Variants in DSCAM observed in about 807,000 individuals in gnomAD.
DSCAM encodes cell adhesion molecule DSCAM.
In DSCAM, 47 loss-of-function variants were observed where a neutral mutation model predicts 217.7. That is an observed-to-expected ratio of 0.22 (90% confidence interval 0.17 to 0.28). The LOEUF (loss-of-function observed/expected upper bound fraction) is 0.28. Ranked by LOEUF, DSCAM falls within the 10% of genes least tolerant of loss-of-function variation. DSCAM has a pLI of 1.00. For missense variants in DSCAM, 2,080 were observed against 2,618.3 expected (o/e 0.79, Z 4.49); for synonymous variants, 1,056 against 1,015.3 (o/e 1.04, Z -0.76).
chr21:40,252,172 G>T (rs528423364), intron 11 of DSCAM, among the ~76,000 whole-genome samples: 41 of 152,306 alleles, frequency 2.7e-4, no homozygotes, highest in African/African-American at 7.5e-4. Flanking sequence ...CACAAAAACT[G>T]TAAGAACATA....
chr21:40,481,971 G>A (rs1432600516), intron 3 of DSCAM, among the ~76,000 whole-genome samples: 2 of 152,196 alleles, frequency 1.3e-5, no homozygotes, highest in African/African-American at 4.8e-5. Flanking sequence ...CCATAGAGGC[G>A]ATTCGCCGTT....
intron 2 of DSCAM, among the ~76,000 whole-genome samples, chr21:40,696,929 C>T (rs958853955): frequency 1.1e-4 from 16 of 152,038 alleles, no homozygotes; most frequent in Non-Finnish European, 2.4e-4. Context: ...AATCTTTTTT[C>T]TTCTAGCAAT....
intron 10 of DSCAM, among the ~76,000 whole-genome samples, chr21:40,288,934 C>A (rs557261614): frequency 6.6e-6 from 1 of 152,300 alleles, no homozygotes; most frequent in South Asian, 2.1e-4. Flanking sequence ...GGGGTTTGAA[C>A]TTATAGCCCA....
At chr21:40,139,094 T>C (rs1186058390) in intron 18 of DSCAM, among the ~76,000 whole-genome samples, 2 of 140,950 alleles carry the variant, frequency 1.4e-5, no homozygotes, top group African/African-American at 5.4e-5. Context: ...GTATGTGGGA[T>C]GTGTGGTGTG....
intron 20 of DSCAM, among the ~76,000 whole-genome samples, chr21:40,103,501 T>A (rs2146615609): frequency 6.6e-6 from 1 of 152,244 alleles, no homozygotes; most frequent in African/African-American, 2.4e-5. Flanking sequence ...TTCTTATGTA[T>A]AATATATTTT....
intron 9 of DSCAM, among the ~76,000 whole-genome samples, chr21:40,311,339 A>T (rs890054624): frequency 6.6e-6 from 1 of 152,238 alleles, no homozygotes; most frequent in African/African-American, 2.4e-5. Flanking sequence ...TCTGTGTTTG[A>T]TATACATTAG....
chr21:40,417,805 T>A (rs1043344625), intron 3 of DSCAM, among the ~76,000 whole-genome samples: 1 of 152,058 alleles, frequency 6.6e-6, no homozygotes, highest in African/African-American at 2.4e-5. Flanking sequence ...ATAATAGACA[T>A]GAAGAAAGGA....
At chr21:40,624,126 A>G (rs1025025322) in intron 3 of DSCAM, among the ~76,000 whole-genome samples, 2 of 152,138 alleles carry the variant, frequency 1.3e-5, no homozygotes, top group African/African-American at 4.8e-5. Flanking sequence ...CTTGCCTCTC[A>G]CAGAATGTTG....
intron 3 of DSCAM, among the ~76,000 whole-genome samples, chr21:40,540,089 T>C (rs748688454): frequency 6.6e-6 from 1 of 152,164 alleles, no homozygotes; most frequent in Non-Finnish European, 1.5e-5. Flanking sequence ...AATATCTTTA[T>C]TAGAATTAAT....
chr21:40,363,983 A>G (rs9305696), intron 4 of DSCAM, among the ~76,000 whole-genome samples: 75,610 of 152,050 alleles, frequency 0.5, 20,090 homozygotes, highest in South Asian at 0.64. Flanking sequence ...ATGAGATACC[A>G]TCTTACACCA....
rs61008946 is a variant in DSCAM at position 40,372,299 on chromosome 21, T to G, written c.509-3054A>C. Reference sequence around the variant, plus strand: ...ATTAATGGATGTGCTTCTGTTAAAATAGGCAAATGTTTAAATACAATTTAT... The same window carrying G: ...ATTAATGGATGTGCTTCTGTTAAAAGAGGCAAATGTTTAAATACAATTTAT... On this transcript the variant is annotated intron_variant, in intron 3 of 32. Transcript: ENST00000400454. 9.6e-3 allele frequency among the ~76,000 whole-genome samples: 1,460 copies of G among 152,354 alleles called. 17 individuals carry two copies. Among genetic ancestry groups the G allele is most frequent in the African/African-American group, 0.034 (1,394 of 41,586 alleles).
chr21:40,082,330 C>G (rs939219584), intron 24 of DSCAM, among the ~76,000 whole-genome samples: 1 of 152,150 alleles, frequency 6.6e-6, no homozygotes, highest in Admixed American at 6.5e-5. Context: ...CGTGGTGACA[C>G]GTGCCTGTAG....
At chr21:40,515,027 A>G (rs1005724677) in intron 3 of DSCAM, among the ~76,000 whole-genome samples, 6 of 152,188 alleles carry the variant, frequency 3.9e-5, no homozygotes, top group African/African-American at 1.4e-4. Context: ...TTACTTAGAA[A>G]CTGGCACTGC....
chr21:40,652,216 C>T (rs1446826481), intron 3 of DSCAM, among the ~76,000 whole-genome samples: 1 of 151,932 alleles, frequency 6.6e-6, no homozygotes, highest in African/African-American at 2.4e-5. Flanking sequence ...GGGCTTAATA[C>T]CTGGGTCACG....
chr21:40,614,152 C>T (rs2089354724), intron 3 of DSCAM, among the ~76,000 whole-genome samples: 1 of 152,138 alleles, frequency 6.6e-6, no homozygotes, highest in Non-Finnish European at 1.5e-5. Context: ...TGAGTGCAGC[C>T]CCAGGCCTCA....
chr21:40,608,047 T>C (rs2089265848), intron 3 of DSCAM, among the ~76,000 whole-genome samples: 1 of 152,162 alleles, frequency 6.6e-6, no homozygotes, highest in Non-Finnish European at 1.5e-5. Flanking sequence ...CCATCACTCT[T>C]GTTCCTGTGA....
intron 3 of DSCAM, among the ~76,000 whole-genome samples, chr21:40,566,631 G>A (rs2076766873): frequency 1.3e-5 from 2 of 152,156 alleles, no homozygotes; most frequent in African/African-American, 4.8e-5. Flanking sequence ...AGAGCCATAT[G>A]GGCTTTGTGA....
intron 3 of DSCAM, among the ~76,000 whole-genome samples, chr21:40,562,972 C>T (rs2146188590): frequency 1.3e-5 from 2 of 152,260 alleles, no homozygotes; most frequent in African/African-American, 4.8e-5. Context: ...CTTTTTATTT[C>T]AATTTTTATT....
At chr21:40,579,164 G>A (rs887816934) in intron 3 of DSCAM, among the ~76,000 whole-genome samples, 2 of 152,078 alleles carry the variant, frequency 1.3e-5, no homozygotes, top group Admixed American at 6.6e-5. Context: ...GCAAGCAAAA[G>A]ACCTGATGGG....
Sources: allele counts gnomAD v4.1 joint callset (sites outside exome capture counted in the v4.1 genomes callset), GRCh38; gene constraint gnomAD v4.1.1; transcripts MANE v1.5; gene names NCBI Gene and HGNC (gene_info 2026-07-23, HGNC 2026-07-21).